Variants in BMPER observed in about 807,000 individuals in gnomAD.
BMPER encodes the protein BMP binding endothelial regulator.
A neutral mutation model predicts 87.3 loss-of-function variants in BMPER; 45 were observed. The observed-to-expected ratio is 0.52, with a 90% CI of 0.41 to 0.66. BMPER has a LOEUF of 0.66. BMPER is among the 30% of genes least tolerant of loss of function. The pLI, the probability that BMPER is intolerant of heterozygous loss-of-function variation, is 0.00. For missense variants in BMPER, 784 were observed against 867.5 expected (o/e 0.90, Z 1.21); for synonymous variants, 326 against 316.2 (o/e 1.03, Z -0.33).
chr7:33,960,991 G>T (rs374925116), intron 3 of BMPER, among the ~76,000 whole-genome samples: 3 of 152,178 alleles, frequency 2.0e-5, no homozygotes, highest in African/African-American at 7.2e-5. Context: ...TTTAAGCTGA[G>T]TCTTGAAAAA....
intron 6 of BMPER, among the ~76,000 whole-genome samples, chr7:33,994,309 A>T (rs1229001830): frequency 6.6e-6 from 1 of 152,170 alleles, no homozygotes; most frequent in Non-Finnish European, 1.5e-5. Flanking sequence ...CAGGTGCGGG[A>T]TATAATCTCG....
intron 2 of BMPER, among the ~76,000 whole-genome samples, chr7:33,931,125 G>T (rs1007216725): frequency 6.6e-6 from 1 of 152,152 alleles, no homozygotes; most frequent in Non-Finnish European, 1.5e-5. Context: ...CTTGTACTAG[G>T]GCAGAAACGT....
At chr7:34,115,981 G>A (rs991893485) in intron 13 of BMPER, among the ~76,000 whole-genome samples, 1 of 152,104 alleles carries the variant, frequency 6.6e-6, no homozygotes, top group African/African-American at 2.4e-5. Context: ...CCAACACTCT[G>A]ACTTTTTAAT....
chr7:34,105,767 A>G (rs1789802442), intron 13 of BMPER, among the ~76,000 whole-genome samples: 1 of 152,110 alleles, frequency 6.6e-6, no homozygotes, highest in African/African-American at 2.4e-5. Flanking sequence ...TGCACTGGGG[A>G]CACGTCTTCT....
At chr7:33,983,519 T>C (rs1037445587) in intron 6 of BMPER, among the ~76,000 whole-genome samples, 6 of 152,198 alleles carry the variant, frequency 3.9e-5, no homozygotes, top group Non-Finnish European at 1.5e-5. Flanking sequence ...ACATATAGTA[T>C]ATAATGTTAA....
At chr7:34,112,224 G>A (rs918046803) in intron 13 of BMPER, among the ~76,000 whole-genome samples, 1 of 152,070 alleles carries the variant, frequency 6.6e-6, no homozygotes, top group African/African-American at 2.4e-5. Context: ...GCCAGGCGCG[G>A]TGGCTCACAC....
At chr7:34,054,904 C>T (rs1273900489) in intron 8 of BMPER, among the ~76,000 whole-genome samples, 11 of 152,140 alleles carry the variant, frequency 7.2e-5, no homozygotes, top group Admixed American at 7.2e-4. Flanking sequence ...GCTCATCAGT[C>T]TCTGGAACGT....
chr7:34,142,896 G>C (rs1033836413), intron 13 of BMPER, among the ~76,000 whole-genome samples: 9 of 152,176 alleles, frequency 5.9e-5, no homozygotes, highest in African/African-American at 2.2e-4. Flanking sequence ...TAGAAACTTG[G>C]TTCCTCCATT....
intron 6 of BMPER, among the ~76,000 whole-genome samples, chr7:33,993,931 C>T (rs1438054515): frequency 6.6e-6 from 1 of 152,184 alleles, no homozygotes; most frequent in Non-Finnish European, 1.5e-5. Context: ...TTAGGCTGCT[C>T]GGGGGTCAGG....
intron 7 of BMPER, among the ~76,000 whole-genome samples, chr7:34,049,040 T>C (rs1182147696): frequency 2.6e-5 from 4 of 152,188 alleles, no homozygotes; most frequent in African/African-American, 7.2e-5. Flanking sequence ...TTTAGATGAT[T>C]GGGTGCTGTT....
At chr7:34,086,222 T>A (rs1789206012) in intron 13 of BMPER, 130 bp downstream of exon 13, 1 of 1,058,284 alleles carries the variant, frequency 9.4e-7, no homozygotes, top group African/African-American at 1.6e-5. Flanking sequence ...ATCTTCTTGC[T>A]GTCCAGGAGC....
At chr7:33,937,821 C>A (rs1273377905) in intron 3 of BMPER, among the ~76,000 whole-genome samples, 2 of 152,046 alleles carry the variant, frequency 1.3e-5, no homozygotes, top group Non-Finnish European at 2.9e-5. Context: ...TCATTTTCGT[C>A]CTCATTAAAA....
chr7:33,958,948 A>G (rs1785207818), intron 3 of BMPER, among the ~76,000 whole-genome samples: 1 of 152,074 alleles, frequency 6.6e-6, no homozygotes, highest in South Asian at 2.1e-4. Context: ...CTGTTCTCTC[A>G]TGGTAGTGAA....
intron 13 of BMPER, among the ~76,000 whole-genome samples, chr7:34,123,437 G>T (rs932229700): frequency 6.6e-6 from 1 of 152,132 alleles, no homozygotes; most frequent in African/African-American, 2.4e-5. Context: ...ACTGCACATT[G>T]GTGTCACCTG....
At chr7:34,050,424 G>A (rs1268911464) in intron 7 of BMPER, among the ~76,000 whole-genome samples, 2 of 152,064 alleles carry the variant, frequency 1.3e-5, no homozygotes, top group Non-Finnish European at 2.9e-5. Flanking sequence ...TTGGTGGTGA[G>A]AACCAAACTA....
intron 3 of BMPER, chr7:33,937,598 G>A: frequency 3.4e-6 from 2 of 584,386 alleles, no homozygotes; most frequent in East Asian, 2.9e-5. Flanking sequence ...TCTCCTGGAG[G>A]AGGGATGAAA....
chr7:33,951,201 C>T (rs1585670761), intron 3 of BMPER, among the ~76,000 whole-genome samples: 1 of 152,198 alleles, frequency 6.6e-6, no homozygotes, highest in Non-Finnish European at 1.5e-5. Flanking sequence ...GCATGCACCA[C>T]CACGCCAAGC....
chr7:34,107,291 A>G (rs972258615), intron 13 of BMPER, among the ~76,000 whole-genome samples: 1 of 152,248 alleles, frequency 6.6e-6, no homozygotes, highest in African/African-American at 2.4e-5. Context: ...TTTAGCATAC[A>G]GAAACTATGG....
At chr7:33,994,969 A>G (rs570866505) in intron 6 of BMPER, among the ~76,000 whole-genome samples, 1 of 152,198 alleles carries the variant, frequency 6.6e-6, no homozygotes, top group African/African-American at 2.4e-5. Flanking sequence ...CTAAATACCA[A>G]TTAATAGAAA....
Sources: gnomAD v4.1 joint callset for allele counts (sites outside exome capture counted in the v4.1 genomes callset) on GRCh38, gnomAD v4.1.1 for gene constraint, MANE v1.5 for transcripts, NCBI Gene and HGNC (gene_info 2026-07-23, HGNC 2026-07-21) for gene names.